The following PRDM11 variants were observed in gnomAD, a reference collection of about 807,000 sequenced individuals.
PRDM11 encodes the protein PR/SET domain 11, also known as PR domain-containing protein 11.
PRDM11 carries 20 observed loss-of-function variants against 97.8 expected under a neutral mutation model. The ratio of observed to expected loss-of-function variants is 0.20; its 90% CI spans 0.14 to 0.30. The LOEUF is 0.30. Among genes scored for constraint, PRDM11 ranks in the 10% least tolerant of loss-of-function variants. The probability of loss-of-function intolerance (pLI) is 1.00; values close to 1 mark genes in which losing one functional copy is unlikely to be tolerated. For missense variants in PRDM11, 1,139 were observed against 1,555.2 expected (o/e 0.73, Z 4.50); for synonymous variants, 599 against 637.7 (o/e 0.94, Z 0.91).
chr11:45,138,735 T>TAAAC (rs1466362061), intron 1 of PRDM11, among the ~76,000 whole-genome samples: 1 of 152,096 alleles, frequency 6.6e-6, no homozygotes. Context: ...GTCAGATATT[T>TAAAC]AAACAAACAA....
chr11:45,103,373 G>A (rs934099106), intron 1 of PRDM11, among the ~76,000 whole-genome samples: 1 of 152,196 alleles, frequency 6.6e-6, no homozygotes, highest in African/African-American at 2.4e-5. Context: ...GGAGGAAGAT[G>A]AGAGGGAGAT....
At chr11:45,163,144 C>T (rs150934389) in intron 1 of PRDM11, among the ~76,000 whole-genome samples, 164 of 152,256 alleles carry the variant, frequency 1.1e-3, no homozygotes, top group Middle Eastern at 0.01. Flanking sequence ...AATTCCCTCT[C>T]CATGGGTAGC....
At chr11:45,210,692 T>G (rs745731801) in intron 5 of PRDM11, among the ~76,000 whole-genome samples, 1 of 152,106 alleles carries the variant, frequency 6.6e-6, no homozygotes, top group Non-Finnish European at 1.5e-5. Context: ...GTTCACAGAG[T>G]CAGATGTTTA....
At chr11:45,196,118 G>T (rs1853113835) in intron 4 of PRDM11, among the ~76,000 whole-genome samples, 2 of 152,112 alleles carry the variant, frequency 1.3e-5, no homozygotes, top group Admixed American at 6.5e-5. Context: ...GATCAATTTT[G>T]CTTTCCCACC....
At chr11:45,187,735 C>T (rs928899033) in intron 4 of PRDM11, among the ~76,000 whole-genome samples, 1 of 151,896 alleles carries the variant, frequency 6.6e-6, no homozygotes, top group Non-Finnish European at 1.5e-5. Flanking sequence ...CTTTGGGAAC[C>T]CAAGAGGTGA....
upstream of PRDM11, among the ~76,000 whole-genome samples, chr11:45,143,227 C>T (rs1449854164): frequency 1.3e-5 from 2 of 152,194 alleles, no homozygotes. Flanking sequence ...CCTTGTTTTA[C>T]AACAAATGTG....
intron 5 of PRDM11, chr11:45,212,567 C>T (rs935413105): frequency 2.2e-6 from 1 of 456,340 alleles, no homozygotes; most frequent in Non-Finnish European, 4.4e-6. Flanking sequence ...CAGGCCCGCC[C>T]TGCTCCGTTC....
At chr11:45,165,728 G>A (rs149962252) in intron 1 of PRDM11, among the ~76,000 whole-genome samples, 67 of 152,288 alleles carry the variant, frequency 4.4e-4, no homozygotes, top group African/African-American at 1.4e-3. Context: ...CTGTTTCTTC[G>A]AAGTTGGCAA....
At chr11:45,222,979 A>C (rs1235065421) in intron 6 of PRDM11, among the ~76,000 whole-genome samples, 1 of 152,214 alleles carries the variant, frequency 6.6e-6, no homozygotes, top group Non-Finnish European at 1.5e-5. Flanking sequence ...AGCAAGCATC[A>C]GCACTTCTGT....
At chr11:45,220,835 C>T (rs1406267292) in intron 6 of PRDM11, among the ~76,000 whole-genome samples, 1 of 152,190 alleles carries the variant, frequency 6.6e-6, no homozygotes, top group South Asian at 2.1e-4. Flanking sequence ...GTCCTTTACC[C>T]TTTTATTCCA....
intron 6 of PRDM11, among the ~76,000 whole-genome samples, chr11:45,223,377 C>A (rs1420445513): frequency 6.6e-6 from 1 of 152,182 alleles, no homozygotes; most frequent in Non-Finnish European, 1.5e-5. Flanking sequence ...GTCTTTGAAA[C>A]AATTGAAAGT....
intron 1 of PRDM11, among the ~76,000 whole-genome samples, chr11:45,163,859 A>G (rs1851993047): frequency 1.3e-5 from 2 of 152,198 alleles, no homozygotes; most frequent in African/African-American, 4.8e-5. Flanking sequence ...GTTGAGGGTC[A>G]GATTCTGGTG....
chr11:45,097,103 TAAATAGAAAGC>T (rs1851896208), intron 1 of PRDM11, among the ~76,000 whole-genome samples: 3 of 152,220 alleles, frequency 2.0e-5, no homozygotes, highest in African/African-American at 7.2e-5. Context: ...TTCCTGCAGC[TAAATAGAAAGC>T]ACCTTTACCT....
At chr11:45,166,779 C>T (rs777905651) in intron 1 of PRDM11, among the ~76,000 whole-genome samples, 6 of 152,226 alleles carry the variant, frequency 3.9e-5, no homozygotes, top group East Asian at 1.9e-4. Context: ...GGAGGACTTC[C>T]GCCTTCTGAG....
At chr11:45,117,254 C>T (rs1170523949) in intron 1 of PRDM11, among the ~76,000 whole-genome samples, 1 of 148,538 alleles carries the variant, frequency 6.7e-6, no homozygotes, top group East Asian at 1.9e-4. Context: ...AAAAGAGTTC[C>T]CAGTGGCCAA....
rs766862036 is a variant in PRDM11 at position 45,122,310 on chromosome 11, GTA to G, written c.96+26411_96+26412del. ...CTAGAGACATTTAAAAGATATCATG[GTA>G]TTTTTTTTATTATTATTATACTTTA... On this transcript the variant is annotated intron_variant, in intron 1 of 6. Coordinates refer to the PRDM11 transcript ENST00000530656. Among the ~76,000 whole-genome samples, 177 of 130,480 alleles carry G rather than the reference GTA, an allele frequency of 1.4e-3. 2 individuals carry two copies. Among genetic ancestry groups the G allele is most frequent in the Non-Finnish European group, 4.0e-4 (25 of 61,974 alleles). The allele number at this position is 130,480 out of a possible 152,430, so 85.6% of individuals were successfully genotyped here.
upstream of PRDM11, among the ~76,000 whole-genome samples, chr11:45,095,642 T>C (rs1851878694): frequency 1.3e-5 from 2 of 152,232 alleles, no homozygotes; most frequent in African/African-American, 4.8e-5. Context: ...TGTGACAAAG[T>C]TCTGACCAAT....
At chr11:45,138,716 T>C (rs903789257) in intron 1 of PRDM11, among the ~76,000 whole-genome samples, 2 of 152,072 alleles carry the variant, frequency 1.3e-5, no homozygotes, top group Admixed American at 6.5e-5. Context: ...CAAAGTAAAT[T>C]CCAGCTGTGT....
At chr11:45,123,608 T>C (rs990056485) in intron 1 of PRDM11, among the ~76,000 whole-genome samples, 6 of 152,094 alleles carry the variant, frequency 3.9e-5, no homozygotes, top group Non-Finnish European at 7.4e-5. Context: ...GGGAATCCTT[T>C]CCCCATTGCT....
Sources: allele counts gnomAD v4.1 joint callset (sites outside exome capture counted in the v4.1 genomes callset), GRCh38; gene constraint gnomAD v4.1.1; transcripts MANE v1.5; gene names NCBI Gene and HGNC (gene_info 2026-07-23, HGNC 2026-07-21).